KIF23: variants seen among roughly 807,000 people sequenced by gnomAD.
KIF23 encodes kinesin family member 23, also known as kinesin-like protein KIF23.
KIF23 carries 30 observed loss-of-function variants against 137.5 expected under a neutral mutation model. The observed-to-expected ratio is 0.22, with a 90% CI of 0.16 to 0.30. The LOEUF is 0.30. Among genes scored for constraint, KIF23 ranks in the 10% least tolerant of loss-of-function variants. The pLI is 1.00. For synonymous variants in KIF23, 367 were observed against 391.1 expected, an observed-to-expected ratio of 0.94 and a Z score of 0.73; for missense variants, 920 against 1,194.3, an observed-to-expected ratio of 0.77 and a Z score of 3.38.
intron 7 of KIF23, 59 bp from the exon 8 acceptor site, chr15:69,425,223 C>T: frequency 1.5e-6 from 2 of 1,300,842 alleles, no homozygotes; most frequent in Non-Finnish European, 1.1e-6. Context: ...CTGGACTGAA[C>T]ATGTTGGTGT....
At chr15:69,435,792 C>T (rs778965037) in intron 13 of KIF23, 21 bp downstream of exon 13, 8 of 1,603,150 alleles carry the variant, frequency 5.0e-6, no homozygotes, top group Non-Finnish European at 5.9e-6. Context: ...TGTATTTGTC[C>T]TATAAAGTCT....
chr15:69,438,669 C>G (rs1205065444), intron 16 of KIF23, among the ~76,000 whole-genome samples: 1 of 152,112 alleles, frequency 6.6e-6, no homozygotes, highest in South Asian at 2.1e-4. Context: ...GGCGTGGTGG[C>G]GAGTGCCTGT....
intron 11 of KIF23, chr15:69,434,745 C>T (rs1403708769): frequency 2.4e-6 from 3 of 1,253,622 alleles, no homozygotes; most frequent in Non-Finnish European, 3.5e-6. Context: ...CACGAACGCG[C>T]TGACTGGGCA....
chr15:69,438,329 A>T lies in KIF23; in HGVS notation c.1679A>T (p.Glu560Val), dbSNP rs1431361702. The T allele has an allele frequency of 1.2e-6, 2 of 1,613,534 alleles. No individual in the cohort carries two copies. The highest frequency in any genetic ancestry group is 2.2e-5 in the East Asian group (1 of 44,852). Reference protein sequence around the residue: ...KENHMQGKLNEKEKMISGQKL... With the variant: ...KENHMQGKLNVKEKMISGQKL... ...AACCACATGCAAGGGAAACTAAATG[A>T]AAAGGAGAAGATGATCTCAGGACAG... Residue 560 changes from glutamate to valine, a missense_variant, in exon 16 of 24, where the codon GAA (glutamate) becomes GTA (valine). Physicochemically the swap from Glu to Val is moderately radical, Grantham distance 121. This residue lies in a region of KIF23 where 714 missense variants were observed against 866.2 expected (regional missense o/e 0.82). Transcript: ENST00000679126.
chr15:69,418,160 CT>C (rs1310877892), intron 3 of KIF23, among the ~76,000 whole-genome samples: 2 of 152,216 alleles, frequency 1.3e-5, no homozygotes, highest in African/African-American at 4.8e-5. Context: ...GTCACTCACT[CT>C]TTTGTGCCTA....
At chr15:69,424,746 A>T (rs2057147238) in intron 7 of KIF23, among the ~76,000 whole-genome samples, 2 of 152,260 alleles carry the variant, frequency 1.3e-5, no homozygotes, top group East Asian at 3.9e-4. Context: ...GGCCTCAAGC[A>T]GTCCTCCCAC....
intron 14 of KIF23, 102 bp from the exon 15 acceptor site, chr15:69,436,462 G>T (rs1471195820): frequency 8.4e-7 from 1 of 1,191,310 alleles, no homozygotes; most frequent in East Asian, 2.4e-5. Context: ...TCAAGAAATT[G>T]CAATGGTTAG....
At chr15:69,446,775 A>C in intron 22 of KIF23, 96 bp from the exon 23 acceptor site, 1 of 1,070,424 alleles carries the variant, frequency 9.3e-7, no homozygotes, top group Non-Finnish European at 1.5e-6. Flanking sequence ...AGAAAGCAAT[A>C]TTGCATTTCA....
In KIF23 at chr15:69,422,375, A is replaced by C; in HGVS notation, c.503A>C (p.Asp168Ala). The C allele has an allele frequency of 6.2e-7, 1 of 1,611,538 alleles. No individual in the cohort carries two copies. Among genetic ancestry groups the C allele is most frequent in the Non-Finnish European group, 8.5e-7 (1 of 1,177,996 alleles). Residue 168 changes from aspartate (D) to alanine (A), a missense_variant, in exon 6 of 24, where the codon GAT (aspartate) becomes GCT (alanine). Transcript: ENST00000679126. The part of the protein sequence containing the change: ...RNSMDIQCEV[D>A]ALLERQKREA... ...AGTATGGATATACAGTGTGAGGTTG[A>C]TGCCTTATTAGAACGTCAGAAAAGA...
At chr15:69,429,735 A>G (rs1355938059) in intron 11 of KIF23, among the ~76,000 whole-genome samples, 2 of 152,098 alleles carry the variant, frequency 1.3e-5, no homozygotes, top group Non-Finnish European at 2.9e-5. Context: ...GTTGTATTCA[A>G]TTAGTCTGGG....
At chr15:69,441,147 T>TGTC in intron 19 of KIF23, 68 bp downstream of exon 19, 1 of 1,349,840 alleles carries the variant, frequency 7.4e-7, no homozygotes, top group South Asian at 1.5e-5. Context: ...TTGTAACTTG[T>TGTC]GTCTGAAAGT....
At position 69,422,388 on chromosome 15, in the gene KIF23, A is replaced by G. The variant is rs781543559; in HGVS notation, c.516A>G (p.Glu172=). The G allele has an allele frequency of 6.2e-7, 1 of 1,611,300 alleles. No homozygotes were observed. Among genetic ancestry groups the G allele is most frequent in the Non-Finnish European group, 8.5e-7 (1 of 1,177,550 alleles). The change falls in exon 6 of 24, where the codon GAA becomes GAG. Residue 172 remains glutamate (E), a synonymous_variant. Coordinates refer to ENST00000679126, the MANE Select transcript of KIF23 (RefSeq NM_001367805.3). ...DIQCEVDALL[E]RQKREAMPNP... Reference sequence around the variant, plus strand: ...AGTGTGAGGTTGATGCCTTATTAGAACGTCAGAAAAGAGAAGCTATGCCCA... The same window carrying G: ...AGTGTGAGGTTGATGCCTTATTAGAGCGTCAGAAAAGAGAAGCTATGCCCA...
intron 10 of KIF23, among the ~76,000 whole-genome samples, chr15:69,427,753 C>T (rs190627691): frequency 6.6e-6 from 1 of 152,256 alleles, no homozygotes; most frequent in African/African-American, 2.4e-5. Flanking sequence ...TTTATTCAAA[C>T]TGTATCATGA....
rs1212911340 is a variant in KIF23 at position 69,438,376 on chromosome 15, G to A, written c.1726G>A (p.Glu576Lys). 1.2e-6 allele frequency: 2 copies of A among 1,606,198 alleles called. No homozygotes were observed. The highest frequency in any genetic ancestry group is 1.7e-6 in the Non-Finnish European group (2 of 1,178,178). Residue 576 changes from glutamate (E) to lysine (K), a missense_variant, in exon 16 of 24, where the codon GAA (glutamate) becomes AAA (lysine). Glu to Lys is a moderately conservative substitution (Grantham distance 56). Coordinates refer to ENST00000679126, the MANE Select transcript of KIF23 (RefSeq NM_001367805.3). The stretch of plus-strand genomic sequence containing the variant: ...ACAGAAATTGGAAATAGAACGACTG[G>A]AAAAGAAAAACAAAACTTTAGAATA... Reference protein sequence around the residue: ...SGQKLEIERLEKKNKTLEYKI... With the variant: ...SGQKLEIERLKKKNKTLEYKI...
At position 69,440,452 on chromosome 15, in the gene KIF23, G is replaced by A; in HGVS notation, c.2074G>A (p.Val692Ile). Residue 692 changes from valine (V) to isoleucine (I), a missense_variant, in exon 18 of 24, where the codon GTT becomes ATT. By Grantham distance (29) the Val-to-Ile change is conservative (BLOSUM62 3). This residue lies in a region of KIF23 where 714 missense variants were observed against 866.2 expected (regional missense o/e 0.82). Transcript: ENST00000679126. ...RPSRERDREKVTQRSVSPSPV... is the reference protein window; with the variant it reads ...RPSRERDREKITQRSVSPSPV... Reference sequence around the variant, plus strand: ...CTCTCGGGAGCGAGATCGAGAAAAAGTTACTCAAAGATCTGTTTCTCCATC... The same window carrying A: ...CTCTCGGGAGCGAGATCGAGAAAAAATTACTCAAAGATCTGTTTCTCCATC... The A allele has an allele frequency of 1.2e-6, 2 of 1,612,968 alleles. No individual in the cohort carries two copies. The highest frequency in any genetic ancestry group is 8.5e-7 in the Non-Finnish European group (1 of 1,179,676).
intron 14 of KIF23, 70 bp downstream of exon 14, chr15:69,436,331 A>G: frequency 2.0e-6 from 3 of 1,475,112 alleles, no homozygotes; most frequent in South Asian, 1.3e-5. Flanking sequence ...AAAAAAAATT[A>G]TTTCATTTAA....
At chr15:69,439,488 C>T (rs768771950) in intron 16 of KIF23, among the ~76,000 whole-genome samples, 11 of 152,008 alleles carry the variant, frequency 7.2e-5, no homozygotes, top group Non-Finnish European at 1.5e-4. Flanking sequence ...AAGGAAATAC[C>T]GTTTTGTTGG....
At position 69,440,812 on chromosome 15, in the gene KIF23, CAT is replaced by C; in HGVS notation, c.2155_2156del (p.Met719GlufsTer7). On this transcript the variant is annotated frameshift_variant, in exon 19 of 24. Transcript: ENST00000679126. LOFTEE classifies it high-confidence loss of function. ...CTCAGATTTCCAACGGCCAGCAACT[CAT>C]GAGCCAGCCACAGCTACATAGGCGC... ...IAQISNGQQL[M>X]SQPQLHRRSN... The C allele has an allele frequency of 6.2e-7, 1 of 1,613,098 alleles. No homozygotes were observed. The highest frequency in any genetic ancestry group is 8.5e-7 in the Non-Finnish European group (1 of 1,180,012).
chr15:69,434,508 C>T (rs929590600), intron 11 of KIF23: 12 of 703,026 alleles, frequency 1.7e-5, no homozygotes, highest in African/African-American at 3.5e-5. Context: ...CTGACCACGC[C>T]GTGTATGCCA....
Sources: gnomAD v4.1 joint callset for allele counts (sites outside exome capture counted in the v4.1 genomes callset) on GRCh38, gnomAD v4.1.1 for gene constraint, gnomAD v4.1.1 regional missense constraint, MANE v1.5 for transcripts, NCBI Gene and HGNC (gene_info 2026-07-23, HGNC 2026-07-21) for gene names.